Variants in FAM228B observed in about 807,000 individuals in gnomAD.
FAM228B encodes protein FAM228B.
FAM228B carries 38 observed loss-of-function variants against 42.6 expected under a neutral mutation model. That is an observed-to-expected ratio of 0.89 (90% CI 0.69 to 1.17). The LOEUF (loss-of-function observed/expected upper bound fraction) is 1.17, where lower values mean the gene tolerates loss of function less well. FAM228B is among the 50% of genes most tolerant of loss of function. The pLI is 0.00. For missense variants in FAM228B, 344 were observed against 367.3 expected (o/e 0.94, Z 0.52); for synonymous variants, 109 against 122.3 (o/e 0.89, Z 0.72).
At position 24,084,396 on chromosome 2, in the gene FAM228B, C is replaced by A; in HGVS notation, c.-210+3441C>A. The A allele has an allele frequency of 1.4e-6, 2 of 1,435,204 alleles. No individual in the cohort carries two copies. The highest frequency in any genetic ancestry group is 1.9e-6 in the Non-Finnish European group (2 of 1,077,042). 88.9% of individuals were successfully genotyped at this position (1,435,204 alleles called of 1,614,324 possible). A position where few individuals can be genotyped will look rare whatever the true frequency, so the allele number is the denominator to read the frequency against. On this transcript the variant is annotated intron_variant, in intron 2 of 10. Transcript: ENST00000613899. This position sits in a 1 kb window ranked among gnomAD's most constrained non-coding sequence, Gnocchi z 8.4. Reference sequence around the variant, plus strand: ...CAGGGCAGGGCAGGACAGGACAGGGCAGGGCAGGACAGGACAGGGCAGGGG... The same window carrying A: ...CAGGGCAGGGCAGGACAGGACAGGGAAGGGCAGGACAGGACAGGGCAGGGG...
intron 10 of FAM228B, 166 bp downstream of exon 10, chr2:24,167,849 GT>G: frequency 1.3e-6 from 1 of 763,422 alleles, no homozygotes; most frequent in Non-Finnish European, 2.0e-6. Flanking sequence ...CTATTTCAGT[GT>G]AAGGCATTCT....
chr2:24,106,638 A>C (rs1449078673), intron 3 of FAM228B, among the ~76,000 whole-genome samples: 2 of 152,090 alleles, frequency 1.3e-5, no homozygotes, highest in Non-Finnish European at 2.9e-5. Flanking sequence ...TTCTTAAAGA[A>C]GAAAATTTCC....
intron 3 of FAM228B, among the ~76,000 whole-genome samples, chr2:24,135,706 C>T (rs1328862920): frequency 6.6e-6 from 1 of 152,048 alleles, no homozygotes; most frequent in Non-Finnish European, 1.5e-5. Flanking sequence ...GTGCTATGGC[C>T]AGAGGTTAGG....
chr2:24,082,159 T>G (rs1316028716), intron 2 of FAM228B, among the ~76,000 whole-genome samples: 1 of 152,066 alleles, frequency 6.6e-6, no homozygotes, highest in Admixed American at 6.6e-5. Flanking sequence ...TCATGCCTGG[T>G]TAATTTTTGT....
intron 3 of FAM228B, among the ~76,000 whole-genome samples, chr2:24,110,717 T>G (rs976324092): frequency 6.6e-6 from 1 of 152,202 alleles, no homozygotes; most frequent in African/African-American, 2.4e-5. Flanking sequence ...GTGTAGCCTT[T>G]TCATGAGTTC....
chr2:24,119,497 T>G, upstream of FAM228B: 2 of 1,003,318 alleles, frequency 2.0e-6, no homozygotes, highest in Non-Finnish European at 3.0e-6. Context: ...CTAGCTGGTT[T>G]GAGTTGGATC....
At chr2:24,088,464 C>T (rs1665311145) in intron 2 of FAM228B, among the ~76,000 whole-genome samples, 1 of 152,118 alleles carries the variant, frequency 6.6e-6, no homozygotes, top group African/African-American at 2.4e-5. Flanking sequence ...GATTCTCCTG[C>T]CTCAGCCTCC....
intron 2 of FAM228B, among the ~76,000 whole-genome samples, chr2:24,092,146 G>C (rs1002893588): frequency 6.7e-6 from 1 of 149,746 alleles, no homozygotes; most frequent in Non-Finnish European, 1.5e-5. Flanking sequence ...AGATCACATG[G>C]GCCTGGCAGG....
intron 2 of FAM228B, among the ~76,000 whole-genome samples, chr2:24,081,951 G>A (rs757048327): frequency 1.7e-4 from 25 of 151,292 alleles, no homozygotes; most frequent in Non-Finnish European, 2.7e-4. Context: ...CACCTCAGCC[G>A]CCCAAAGTGC....
intron 2 of FAM228B, among the ~76,000 whole-genome samples, chr2:24,088,753 C>G (rs1271561666): frequency 3.9e-5 from 6 of 152,192 alleles, no homozygotes; most frequent in African/African-American, 1.4e-4. Flanking sequence ...ATGAGAATCC[C>G]TGATTTATAC....
chr2:24,094,028 A>ATTT (rs1665447735), intron 2 of FAM228B, among the ~76,000 whole-genome samples: 1 of 107,552 alleles, frequency 9.3e-6, no homozygotes, highest in African/African-American at 3.5e-5. Flanking sequence ...ATCGCCACAT[A>ATTT]CTTTTTTTTT....
chr2:24,154,900 A>G (rs989847449), intron 7 of FAM228B, among the ~76,000 whole-genome samples: 1 of 152,152 alleles, frequency 6.6e-6, no homozygotes, highest in African/African-American at 2.4e-5. Flanking sequence ...AAATCATTTC[A>G]TTTGTTATTT....
At chr2:24,082,299 G>T (rs751421721) in intron 2 of FAM228B, among the ~76,000 whole-genome samples, 5 of 152,078 alleles carry the variant, frequency 3.3e-5, no homozygotes, top group Admixed American at 6.6e-5. Flanking sequence ...TCTTTCTTAG[G>T]CCACCTTGGC....
In FAM228B at chr2:24,084,602, G is replaced by C; in HGVS notation, c.-210+3647G>C. ...AACACAGATGGGAACGGCGGGAAGT[G>C]GGATGGCGGTACAGGGCTGGATGCG... On this transcript the variant is annotated intron_variant, in intron 2 of 10. Coordinates refer to the FAM228B transcript ENST00000613899. This position sits in a 1 kb window ranked among gnomAD's most constrained non-coding sequence, Gnocchi z 8.4. 1 of 403,118 alleles carries C rather than the reference G, an allele frequency of 2.5e-6. No individual in the cohort carries two copies. Among genetic ancestry groups the C allele is most frequent in the South Asian group, 4.7e-5 (1 of 21,334 alleles). The allele number at this position is 403,118 out of a possible 1,614,324, so 25.0% of individuals were successfully genotyped here.
chr2:24,159,970 A>G (rs1345577153), intron 7 of FAM228B, among the ~76,000 whole-genome samples: 1 of 146,560 alleles, frequency 6.8e-6, no homozygotes, highest in Non-Finnish European at 1.5e-5. Flanking sequence ...GTGTCTGGGT[A>G]TGGGTTTCTT....
intron 3 of FAM228B, among the ~76,000 whole-genome samples, chr2:24,109,401 TGAA>T (rs1448651179): frequency 1.3e-5 from 2 of 152,094 alleles, no homozygotes; most frequent in African/African-American, 2.4e-5. Flanking sequence ...GATTTCATAA[TGAA>T]GACACCAAAA....
intron 7 of FAM228B, among the ~76,000 whole-genome samples, chr2:24,155,819 C>A (rs553200418): frequency 6.6e-6 from 1 of 152,022 alleles, no homozygotes; most frequent in African/African-American, 2.4e-5. Flanking sequence ...GGATTACAGG[C>A]GTGAGCCACT....
intron 2 of FAM228B, among the ~76,000 whole-genome samples, chr2:24,083,880 A>G (rs1438570391): frequency 6.6e-6 from 1 of 152,146 alleles, no homozygotes; most frequent in Non-Finnish European, 1.5e-5. Context: ...TATCTGTAGA[A>G]TTAAGATGGC....
intron 7 of FAM228B, among the ~76,000 whole-genome samples, chr2:24,152,965 GCCA>G (rs1450356988): frequency 2.0e-5 from 3 of 152,092 alleles, no homozygotes; most frequent in Non-Finnish European, 4.4e-5. Flanking sequence ...TCTCCCTGTG[GCCA>G]CCACCACCAC....
Sources: gnomAD v4.1 joint callset for allele counts (sites outside exome capture counted in the v4.1 genomes callset) on GRCh38, gnomAD v4.1.1 for gene constraint, Gnocchi (gnomAD v3.1) non-coding constraint, MANE v1.5 for transcripts, NCBI Gene and HGNC (gene_info 2026-07-23, HGNC 2026-07-21) for gene names.